Variants in ZNF714 observed in about 807,000 individuals in gnomAD.
ZNF714 encodes zinc finger protein 714.
In ZNF714, 32 loss-of-function variants were observed where a neutral mutation model predicts 46.2. The observed-to-expected ratio is 0.69, with a 90% confidence interval of 0.52 to 0.93. The LOEUF (loss-of-function observed/expected upper bound fraction) is 0.93. ZNF714 is among the 40% of genes least tolerant of loss of function. The probability of loss-of-function intolerance (pLI) is 0.00; values close to 1 mark genes in which losing one functional copy is unlikely to be tolerated. For synonymous variants in ZNF714, 199 were observed against 213.1 expected (o/e 0.93, Z 0.58); for missense variants, 635 against 646.3 (o/e 0.98, Z 0.19).
chr19:21,083,871 TG>T, intron 1 of ZNF714, 106 bp from the exon 2 acceptor site: 1 of 423,382 alleles, frequency 2.4e-6, no homozygotes, highest in Non-Finnish European at 3.7e-6. Context: ...AGTTTTTTTC[TG>T]GTCGTGGGTT....
chr19:21,119,160 T>G lies in ZNF714; in HGVS notation c.*828T>G, dbSNP rs867666672. On this transcript the variant is annotated 3_prime_UTR_variant, in exon 5 of 5. Transcript: ENST00000456283. ...TGGCTCAGGCCTATAATCCCAGCAC[T>G]TTGGTAGGCCAAGGCAGGTGGATCA... The G allele has an allele frequency of 4.5e-6, 2 of 443,758 alleles. No individual in the cohort carries two copies. Among genetic ancestry groups the G allele is most frequent in the African/African-American group, 4.1e-5 (2 of 48,790 alleles). 27.5% of individuals were successfully genotyped at this position (443,758 alleles called of 1,614,324 possible).
chr19:21,083,696 C>G (rs1382287874), intron 1 of ZNF714, among the ~76,000 whole-genome samples: 1 of 151,990 alleles, frequency 6.6e-6, no homozygotes. Flanking sequence ...TGTAACTTTC[C>G]CATGAGAAGA....
chr19:21,118,615 G>A lies in ZNF714; in HGVS notation c.*283G>A. On this transcript the variant is annotated 3_prime_UTR_variant, in exon 5 of 5. Transcript: ENST00000456283. ...AAGAATATGGCAAAGCCTTTAACCA[G>A]TCTTCAACTCTTACTAGGCATTAAA... The A allele has an allele frequency of 3.8e-6, 1 of 260,104 alleles. No individual in the cohort carries two copies. 16.1% of individuals were successfully genotyped at this position (260,104 alleles called of 1,614,324 possible). A position where few individuals can be genotyped will look rare whatever the true frequency, so the allele number is the denominator to read the frequency against.
chr19:21,090,235 G>A (rs945230184), intron 2 of ZNF714, among the ~76,000 whole-genome samples: 1 of 152,214 alleles, frequency 6.6e-6, no homozygotes, highest in African/African-American at 2.4e-5. Flanking sequence ...AGCATTGCCT[G>A]TGGCAGGTTG....
intron 4 of ZNF714, among the ~76,000 whole-genome samples, chr19:21,106,154 C>A (rs926271593): frequency 5.3e-5 from 8 of 151,984 alleles, no homozygotes; most frequent in African/African-American, 1.9e-4. Context: ...ACTTGGGAAC[C>A]TGAGGCAGGA....
rs542105142 is a variant in ZNF714, at chr19:21,100,250, G to T, written c.142+1340G>T. ...TAAAGATTTTTTACCTTGGCCAGCC[G>T]CAGTGTCTCACACCTGTAATCCCAG... On this transcript the variant is annotated intron_variant, in intron 4 of 4. Transcript: ENST00000456283. Among the ~76,000 whole-genome samples the T allele has an allele frequency of 9.2e-5, 14 of 151,808 alleles. 1 individual carries two copies. Among genetic ancestry groups the T allele is most frequent in the African/African-American group, 2.7e-4 (11 of 41,392 alleles).
At chr19:21,100,422 C>T (rs555232179) in intron 4 of ZNF714, among the ~76,000 whole-genome samples, 1 of 151,970 alleles carries the variant, frequency 6.6e-6, no homozygotes, top group South Asian at 2.1e-4. Flanking sequence ...ATCCCAGCTA[C>T]TCAGGAGGCT....
At chr19:21,097,011 C>T (rs748217904) in intron 2 of ZNF714, among the ~76,000 whole-genome samples, 61 of 152,132 alleles carry the variant, frequency 4.0e-4, no homozygotes, top group African/African-American at 1.3e-3. Flanking sequence ...GGACTACAGG[C>T]GCCCACCACC....
At chr19:21,094,523 A>G in intron 2 of ZNF714, among the ~76,000 whole-genome samples, 1 of 152,098 alleles carries the variant, frequency 6.6e-6, no homozygotes, top group South Asian at 2.1e-4. Context: ...CAACCTTACC[A>G]GCATGTTACT....
Position 21,117,206 on chromosome 19 carries a change from T to C in ZNF714, c.542T>C (p.Val181Ala). The change falls in exon 5 of 5, where the codon GTG becomes GCG. Residue 181 changes from valine to alanine, a missense_variant. Val to Ala is a moderately conservative substitution (Grantham distance 64). Transcript: ENST00000456283. ...TACCAATGTGAAGAATGTGACAAAG[T>C]GTTTAAGCGGTTCTCAACCCTTACT... ...NSYQCEECDK[V>A]FKRFSTLTRH... The C allele has an allele frequency of 6.2e-7, 1 of 1,613,916 alleles. No individual in the cohort carries two copies. The highest frequency in any genetic ancestry group is 8.5e-7 in the Non-Finnish European group (1 of 1,179,908).
intron 4 of ZNF714, 108 bp downstream of exon 4, chr19:21,099,018 A>G (rs1304066437): frequency 3.2e-6 from 2 of 618,532 alleles, no homozygotes; most frequent in Admixed American, 6.0e-5. Flanking sequence ...TGTTTTGCAA[A>G]GTATATAGTT....
intron 2 of ZNF714, among the ~76,000 whole-genome samples, chr19:21,096,814 G>T (rs1599535965): frequency 6.6e-6 from 1 of 152,110 alleles, no homozygotes; most frequent in Admixed American, 6.6e-5. Flanking sequence ...GCTCTATGCA[G>T]AACAGGATTA....
intron 4 of ZNF714, chr19:21,109,574 T>G: frequency 4.4e-6 from 1 of 226,062 alleles, no homozygotes; most frequent in Non-Finnish European, 7.1e-6. Context: ...ACCAGTTTCA[T>G]TGTTGTTTTT....
At chr19:21,107,407 T>C (rs1484449745) in intron 4 of ZNF714, among the ~76,000 whole-genome samples, 1 of 152,024 alleles carries the variant, frequency 6.6e-6, no homozygotes, top group Non-Finnish European at 1.5e-5. Context: ...GCCTGGCTAA[T>C]TTTGTATGTT....
intron 4 of ZNF714, among the ~76,000 whole-genome samples, chr19:21,107,015 C>T (rs913986355): frequency 1.3e-5 from 2 of 151,996 alleles, no homozygotes; most frequent in Non-Finnish European, 2.9e-5. Context: ...TTAGTAGAGA[C>T]AGGATTTCGC....
intron 2 of ZNF714, among the ~76,000 whole-genome samples, chr19:21,094,755 G>T (rs539615406): frequency 6.6e-6 from 1 of 152,302 alleles, no homozygotes; most frequent in South Asian, 2.1e-4. Context: ...TCAAACTCAT[G>T]ACCTCAAGTG....
chr19:21,098,793 C>T lies in ZNF714; in HGVS notation c.44-19C>T. On this transcript the variant is annotated intron_variant, in intron 3 of 4. Transcript: ENST00000456283. ...CTAGAGAATATAAGCAAGATTTATG[C>T]TATTTACTTTTAATAAAGCAGGTAT... 1 of 1,571,302 alleles carries T rather than the reference C, an allele frequency of 6.4e-7. No individual in the cohort carries two copies. Among genetic ancestry groups the T allele is most frequent in the Non-Finnish European group, 8.7e-7 (1 of 1,148,188 alleles).
rs1568273372 is a variant in ZNF714, at chr19:21,090,871, C to CTTTTTTTTTTTTTT, written c.-85+6802_-85+6803insTTTTTTTTTTTTTT. 5.7e-5 allele frequency: 7 copies of CTTTTTTTTTTTTTT among 121,834 alleles called. 1 individual carries two copies. The highest frequency in any genetic ancestry group is 3.3e-5 in the Non-Finnish European group (2 of 61,000). 7.5% of individuals were successfully genotyped at this position (121,834 alleles called of 1,614,324 possible). ...CAAGGGGTGGAATATTTATGCCTCTCCTTTTTTTTTTTTTTTTTTTTTTTT... is the reference window on the plus strand; with the variant it reads ...CAAGGGGTGGAATATTTATGCCTCTCTTTTTTTTTTTTTTCTTTTTTTTTTTTTTTTTTTTTTTT... On this transcript the variant is annotated intron_variant, in intron 2 of 4. Coordinates refer to ENST00000456283, the MANE Select transcript of ZNF714 (RefSeq NM_182515.4).
intron 4 of ZNF714, among the ~76,000 whole-genome samples, chr19:21,110,941 G>A (rs11667757): frequency 2.0e-5 from 3 of 151,894 alleles, no homozygotes; most frequent in Non-Finnish European, 2.9e-5. Context: ...TGTTCCATTG[G>A]TCTATGTGTC....
Sources: allele counts gnomAD v4.1 joint callset (sites outside exome capture counted in the v4.1 genomes callset), GRCh38; gene constraint gnomAD v4.1.1; transcripts MANE v1.5; gene names NCBI Gene and HGNC (gene_info 2026-07-23, HGNC 2026-07-21).